HCLS1: variants seen among roughly 807,000 people sequenced by gnomAD.
The protein encoded by HCLS1 is hematopoietic cell-specific Lyn substrate 1, also known as hematopoietic lineage cell-specific protein.
A neutral mutation model predicts 68.6 loss-of-function variants in HCLS1; 44 were observed. The ratio of observed to expected loss-of-function variants is 0.64; its 90% CI spans 0.50 to 0.82. HCLS1 has a LOEUF of 0.82. Ranked by LOEUF, HCLS1 falls within the 40% of genes least tolerant of loss-of-function variation. HCLS1 has a pLI of 0.00. For synonymous variants in HCLS1, 217 were observed against 225.8 expected, an observed-to-expected ratio of 0.96 and a Z score of 0.35; for missense variants, 602 against 612.1, an observed-to-expected ratio of 0.98 and a Z score of 0.17.
intron 6 of HCLS1, among the ~76,000 whole-genome samples, chr3:121,640,513 A>G (rs958780576): frequency 2.0e-5 from 3 of 152,134 alleles, no homozygotes; most frequent in Admixed American, 6.6e-5. Context: ...AAGAAACTGC[A>G]AAGTACATGT....
In HCLS1 at chr3:121,632,492, G is replaced by T. The variant is rs779862401; in HGVS notation, c.1080C>A (p.Tyr360Ter). ...CGGGCTCAGGCTCAGGCTCTGCTTCGTACACTGGCTCTTCCTCCACCTGGA... is the reference window on the plus strand; with the variant it reads ...CGGGCTCAGGCTCAGGCTCTGCTTCTTACACTGGCTCTTCCTCCACCTGGA... ...EGLQVEEEPV[Y>*]EAEPEPEPEP... The change falls in exon 12 of 14, where the codon TAC becomes TAA. Residue 360 changes from tyrosine to a stop codon, truncating the protein, a stop_gained. Transcript: ENST00000314583. LOFTEE classifies it high-confidence loss of function. The T allele has an allele frequency of 1.5e-6, 2 of 1,356,242 alleles. No homozygotes were observed. The highest frequency in any genetic ancestry group is 2.0e-5 in the Admixed American group (1 of 50,742). The allele number at this position is 1,356,242 out of a possible 1,614,324, so 84.0% of individuals were successfully genotyped here. A position where few individuals can be genotyped will look rare whatever the true frequency, so the allele number is the denominator to read the frequency against.
intron 1 of HCLS1, among the ~76,000 whole-genome samples, chr3:121,659,242 G>A (rs1937938606): frequency 2.0e-5 from 3 of 152,126 alleles, no homozygotes; most frequent in South Asian, 4.1e-4. Flanking sequence ...TGTTCTAGAC[G>A]GCCTTCCGGA....
chr3:121,637,698 G>T (rs567851639), intron 6 of HCLS1, among the ~76,000 whole-genome samples: 1 of 152,166 alleles, frequency 6.6e-6, no homozygotes, highest in Non-Finnish European at 1.5e-5. Flanking sequence ...CACTTCAGGG[G>T]CCGAGGCAGG....
At chr3:121,657,692 C>G (rs974613972) in intron 2 of HCLS1, among the ~76,000 whole-genome samples, 1 of 152,054 alleles carries the variant, frequency 6.6e-6, no homozygotes, top group Non-Finnish European at 1.5e-5. Flanking sequence ...GTGGCATGCA[C>G]CTGTAGTCCC....
At chr3:121,633,977 T>A (rs752707412) in intron 10 of HCLS1, among the ~76,000 whole-genome samples, 2 of 152,260 alleles carry the variant, frequency 1.3e-5, no homozygotes, top group Non-Finnish European at 2.9e-5. Flanking sequence ...TTGGCTGTGC[T>A]GGCTGGTGAC....
At chr3:121,652,805 C>T (rs564765440) in intron 3 of HCLS1, among the ~76,000 whole-genome samples, 3 of 152,158 alleles carry the variant, frequency 2.0e-5, no homozygotes, top group Non-Finnish European at 4.4e-5. Context: ...TCACTGTAAA[C>T]AGAATAGCAA....
chr3:121,656,981 C>CCTTA (rs1388558416), intron 3 of HCLS1: 1 of 285,234 alleles, frequency 3.5e-6, no homozygotes, highest in Non-Finnish European at 6.6e-6. Flanking sequence ...ATCTCTCATG[C>CCTTA]CTTACTAAAG....
In HCLS1 at chr3:121,632,118, A is replaced by AGAG. The variant is rs1158540044; in HGVS notation, c.1306_1307insCTC (p.Val436delinsAlaLeu). The AGAG allele has an allele frequency of 6.2e-7, 1 of 1,613,764 alleles. No homozygotes were observed. Among genetic ancestry groups the AGAG allele is most frequent in the South Asian group, 1.1e-5 (1 of 91,034 alleles). ...CAACCTACCTCCTTGGTAATCATAT[A>AGAG]CAGCCACAGCTGAGATCCCCAGAGC... On this transcript the variant is annotated protein_altering_variant, in exon 13 of 14. Coordinates refer to ENST00000314583, the MANE Select transcript of HCLS1 (RefSeq NM_005335.6).
At chr3:121,646,399 A>ATTATATTACATAGTATATTACATAG (rs1491377322) in intron 4 of HCLS1, among the ~76,000 whole-genome samples, 1 of 86,936 alleles carries the variant, frequency 1.2e-5, no homozygotes. Flanking sequence ...TTACTATGTA[A>ATTATATTACATAGTATATTACATAG]TATATTACAT....
chr3:121,637,579 C>T (rs2049162252), intron 6 of HCLS1, among the ~76,000 whole-genome samples: 1 of 152,062 alleles, frequency 6.6e-6, no homozygotes, highest in Non-Finnish European at 1.5e-5. Context: ...AAATGTATGC[C>T]TTTCCCCTAC....
Position 121,644,937 on chromosome 3 carries a change from A to C in HCLS1, c.289-9T>G. 1 of 1,596,070 alleles carries C rather than the reference A, an allele frequency of 6.3e-7. No individual in the cohort carries two copies. The highest frequency in any genetic ancestry group is 8.6e-7 in the Non-Finnish European group (1 of 1,163,464). On this transcript the variant is annotated splice_polypyrimidine_tract_variant and intron_variant, in intron 4 of 13. Coordinates refer to ENST00000314583, the MANE Select transcript of HCLS1 (RefSeq NM_005335.6). ...TCATGGCCCACTGCACTCTGAGAAA[A>C]ATCAAGGATGGAGTGAGTGAAAAGA...
chr3:121,660,544 G>T (rs1937969106), intron 1 of HCLS1, among the ~76,000 whole-genome samples: 2 of 152,188 alleles, frequency 1.3e-5, no homozygotes, highest in Non-Finnish European at 2.9e-5. Context: ...GCCTTAGAGT[G>T]GGTTGTAGAT....
chr3:121,654,668 G>A (rs1937822424), intron 3 of HCLS1, among the ~76,000 whole-genome samples: 1 of 152,216 alleles, frequency 6.6e-6, no homozygotes, highest in Admixed American at 6.5e-5. Flanking sequence ...GTGTGGGGAA[G>A]GTAGTAAGAT....
At chr3:121,644,561 T>C (rs1320930507) in intron 5 of HCLS1, 3 of 598,228 alleles carry the variant, frequency 5.0e-6, no homozygotes, top group Non-Finnish European at 9.4e-6. Context: ...AACCAGTGGC[T>C]TGAGGAATTA....
chr3:121,660,779 A>C (rs985364222), intron 1 of HCLS1, 41 bp downstream of exon 1: 25 of 152,060 alleles, frequency 1.6e-4, no homozygotes, highest in African/African-American at 5.8e-4. Context: ...CTCAACTCTT[A>C]CTCTGTGTTT....
intron 1 of HCLS1, among the ~76,000 whole-genome samples, chr3:121,659,630 G>C (rs990566144): frequency 6.6e-6 from 1 of 152,204 alleles, no homozygotes; most frequent in Non-Finnish European, 1.5e-5. Context: ...GAGAGATATT[G>C]ACTGAGTCAG....
At chr3:121,651,685 G>T (rs1379798845) in intron 3 of HCLS1, among the ~76,000 whole-genome samples, 1 of 152,130 alleles carries the variant, frequency 6.6e-6, no homozygotes, top group African/African-American at 2.4e-5. Context: ...CTCCTAAAGT[G>T]CTGGGATTAC....
intron 3 of HCLS1, among the ~76,000 whole-genome samples, chr3:121,649,065 A>G (rs1168767544): frequency 6.6e-6 from 1 of 152,228 alleles, no homozygotes; most frequent in African/African-American, 2.4e-5. Context: ...TTATAGTTAA[A>G]ACAAGTTTTT....
chr3:121,635,904 C>T, intron 8 of HCLS1, 100 bp from the exon 9 acceptor site: 1 of 868,142 alleles, frequency 1.2e-6, no homozygotes, highest in Non-Finnish European at 1.9e-6. Flanking sequence ...AAGAGGTATC[C>T]CTAACCATTG....
Sources: gnomAD v4.1 joint callset for allele counts (sites outside exome capture counted in the v4.1 genomes callset) on GRCh38, gnomAD v4.1.1 for gene constraint, MANE v1.5 for transcripts, NCBI Gene and HGNC (gene_info 2026-07-23, HGNC 2026-07-21) for gene names.